Variants in AMDHD1 observed in about 807,000 individuals in gnomAD.
AMDHD1 encodes amidohydrolase domain containing 1.
In AMDHD1, 45 loss-of-function variants were observed where a neutral mutation model predicts 44.1. That is an observed-to-expected ratio of 1.02 (90% CI 0.80 to 1.31). The LOEUF (loss-of-function observed/expected upper bound fraction) is 1.31. AMDHD1 is among the 50% of genes most tolerant of loss of function. The pLI, the probability that AMDHD1 is intolerant of heterozygous loss-of-function variation, is 0.00. For synonymous variants in AMDHD1, 206 were observed against 205.0 expected (o/e 1.00, Z -0.04); for missense variants, 586 against 552.1 (o/e 1.06, Z -0.61).
chr12:95,964,032 T>C (rs1479023069), intron 6 of AMDHD1, among the ~76,000 whole-genome samples: 10 of 119,378 alleles, frequency 8.4e-5, no homozygotes, highest in African/African-American at 2.6e-4. Context: ...GATTCCATCT[T>C]AAAAAAAAAA....
At chr12:95,952,458 T>A (rs558013283) in intron 1 of AMDHD1, among the ~76,000 whole-genome samples, 1 of 152,294 alleles carries the variant, frequency 6.6e-6, no homozygotes, top group East Asian at 1.9e-4. Flanking sequence ...TTACTATAGT[T>A]CTGTAGTATA....
intron 2 of AMDHD1, among the ~76,000 whole-genome samples, chr12:95,954,464 A>T (rs1222525954): frequency 6.6e-6 from 1 of 151,956 alleles, no homozygotes; most frequent in Non-Finnish European, 1.5e-5. Flanking sequence ...GCTACTAGGG[A>T]GGCTGAGGTG....
chr12:95,950,143 C>T (rs1017654723), intron 1 of AMDHD1, among the ~76,000 whole-genome samples: 8 of 152,140 alleles, frequency 5.3e-5, no homozygotes, highest in Middle Eastern at 3.2e-3. Flanking sequence ...CTAATCCTGC[C>T]GGTCCTTTCC....
chr12:95,958,225 C>T (rs2080562613), intron 4 of AMDHD1, among the ~76,000 whole-genome samples: 1 of 151,854 alleles, frequency 6.6e-6, no homozygotes. Context: ...TATTTTTTAA[C>T]AATTTTTAGG....
At chr12:95,945,894 G>T (rs2080493171) in intron 1 of AMDHD1, among the ~76,000 whole-genome samples, 1 of 151,952 alleles carries the variant, frequency 6.6e-6, no homozygotes, top group Non-Finnish European at 1.5e-5. Context: ...TATATAAAAT[G>T]AGTCCTGGAA....
intron 1 of AMDHD1, among the ~76,000 whole-genome samples, 191 bp from the exon 2 acceptor site, chr12:95,952,526 G>A (rs1238652928): frequency 6.6e-6 from 1 of 152,156 alleles, no homozygotes; most frequent in Non-Finnish European, 1.5e-5. Context: ...AGGAGGCTTT[G>A]GCTAATCTGG....
chr12:95,959,287 T>TC (rs2080567904), intron 4 of AMDHD1, among the ~76,000 whole-genome samples: 1 of 152,192 alleles, frequency 6.6e-6, no homozygotes, highest in Admixed American at 6.5e-5. Context: ...AAATAACAGC[T>TC]AAAGAGCATC....
rs934001086 is a variant in AMDHD1 at position 95,962,425 on chromosome 12, T to C, written c.884T>C (p.Met295Thr). 2 of 1,613,896 alleles carry C rather than the reference T, an allele frequency of 1.2e-6. No homozygotes were observed. The highest frequency in any genetic ancestry group is 1.3e-5 in the African/African-American group (1 of 74,934). Residue 295 changes from methionine (M) to threonine (T), a missense_variant, in exon 6 of 9, where the codon ATG becomes ACG. Coordinates refer to ENST00000266736, the MANE Select transcript of AMDHD1 (RefSeq NM_152435.3). ...EEVSDEGIVA[M>T]ATARCSAILL... ...GTGAGTGATGAAGGCATCGTTGCCA[T>C]GGCAACGGCCAGGTGCTCTGCCATC... is the stretch of plus-strand genomic sequence containing the variant.
rs1034448312 is a variant in AMDHD1 at position 95,968,672 on chromosome 12, G to A, written c.*829G>A. On this transcript the variant is annotated 3_prime_UTR_variant, in exon 9 of 9. Transcript: ENST00000266736. ...TTTTTAGGAAATTACAAAATTATTT[G>A]TAAAGAGTCGATAATTATTTACATA... The A allele has an allele frequency of 1.8e-4, 27 of 152,074 alleles. No homozygotes were observed. Among genetic ancestry groups the A allele is most frequent in the African/African-American group, 5.8e-4 (24 of 41,404 alleles). 9.4% of individuals were successfully genotyped at this position (152,074 alleles called of 1,614,324 possible).
intron 4 of AMDHD1, among the ~76,000 whole-genome samples, chr12:95,957,763 C>T (rs1442815275): frequency 6.6e-6 from 1 of 152,022 alleles, no homozygotes; most frequent in African/African-American, 2.4e-5. Flanking sequence ...ATATAAATTC[C>T]GTTTTTAGGC....
At chr12:95,966,271 G>A in intron 7 of AMDHD1, 77 bp from the exon 8 acceptor site, 3 of 1,532,648 alleles carry the variant, frequency 2.0e-6, no homozygotes, top group Non-Finnish European at 2.7e-6. Context: ...TCTATTTGTT[G>A]TGCTGTGTTG....
chr12:95,949,160 G>GAAAAAAAAAAAAAAAAAAA (rs1358481972), intron 1 of AMDHD1, among the ~76,000 whole-genome samples: 2 of 101,774 alleles, frequency 2.0e-5, no homozygotes, highest in Non-Finnish European at 4.5e-5. Context: ...AAAAAAAAAA[G>GAAAAAAAAAAAAAAAAAAA]AAAAAAAAAA....
chr12:95,957,054 G>A, intron 4 of AMDHD1, 92 bp downstream of exon 4: 1 of 1,532,888 alleles, frequency 6.5e-7, no homozygotes, highest in Non-Finnish European at 8.9e-7. Context: ...GCTCTTGCAG[G>A]GAGATGGATA....
Position 95,967,760 on chromosome 12 carries a change from G to T in AMDHD1, c.1198G>T (p.Glu400Ter). 6.4e-7 allele frequency: 1 copy of T among 1,557,318 alleles called. No homozygotes were observed. The highest frequency in any genetic ancestry group is 8.6e-7 in the Non-Finnish European group (1 of 1,156,302). The change falls in exon 9 of 9, where the codon GAG becomes TAG. Residue 400 changes from glutamate to a stop codon, truncating the protein, a stop_gained. Coordinates refer to ENST00000266736, the MANE Select transcript of AMDHD1 (RefSeq NM_152435.3). LOFTEE classifies it high-confidence loss of function. ...TGTTTTTTTTTTTTTTTCTAGATGG[G>T]AGCATTTGATTTACCAGTTCGGAGG... Reference protein sequence around the residue: ...DLIIINSSRWEHLIYQFGGHH... With the variant: ...DLIIINSSRW
intron 1 of AMDHD1, 90 bp downstream of exon 1, chr12:95,943,625 G>A: frequency 7.3e-7 from 1 of 1,361,112 alleles, no homozygotes; most frequent in South Asian, 1.7e-5. Context: ...AAACAACGCC[G>A]TGAAAGCGTC....
At chr12:95,965,613 C>A (rs1184154204) in intron 6 of AMDHD1, 73 bp from the exon 7 acceptor site, 2 of 946,602 alleles carry the variant, frequency 2.1e-6, no homozygotes, top group Non-Finnish European at 3.2e-6. Context: ...GTCTCAAGTT[C>A]TCTTCTGTTC....
At chr12:95,956,544 G>T (rs937951124) in intron 3 of AMDHD1, 141 bp from the exon 4 acceptor site, 26 of 1,166,330 alleles carry the variant, frequency 2.2e-5, no homozygotes, top group Non-Finnish European at 3.0e-5. Context: ...GTGTATCCCA[G>T]CACCTTTCTA....
chr12:95,948,277 A>C (rs1363888473), intron 1 of AMDHD1, among the ~76,000 whole-genome samples: 173 of 71,716 alleles, frequency 2.4e-3, no homozygotes, highest in Admixed American at 3.0e-3. Flanking sequence ...TGTCAGCCCC[A>C]CGCCCGGCCA....
At position 95,957,960 on chromosome 12, in the gene AMDHD1, C is replaced by T. The variant is rs142808930; in HGVS notation, c.587+998C>T. Among the ~76,000 whole-genome samples, 1,261 of 152,108 alleles carry T rather than the reference C, an allele frequency of 8.3e-3. 16 individuals are homozygous for T. The highest frequency in any genetic ancestry group is 0.028 in the African/African-American group (1,155 of 41,486). ...CCCAGCTACTCAGGAGGCTGAGGCA[C>T]GAGAATCGCTTAAGCCCGGGAGGCG... On this transcript the variant is annotated intron_variant, in intron 4 of 8. Transcript: ENST00000266736.
Sources: allele counts gnomAD v4.1 joint callset (sites outside exome capture counted in the v4.1 genomes callset), GRCh38; gene constraint gnomAD v4.1.1; transcripts MANE v1.5; gene names NCBI Gene and HGNC (gene_info 2026-07-23, HGNC 2026-07-21).